RIPK4: variants seen among roughly 807,000 people sequenced by gnomAD.
RIPK4 encodes the protein receptor interacting serine/threonine kinase 4.
A neutral mutation model predicts 42.9 loss-of-function variants in RIPK4; 17 were observed. That is an observed-to-expected ratio of 0.40 (90% CI 0.27 to 0.59). The LOEUF is 0.59. Among genes scored for constraint, RIPK4 ranks in the 20% least tolerant of loss-of-function variants. RIPK4 has a pLI of 0.47. For synonymous variants in RIPK4, 498 were observed against 499.1 expected (o/e 1.00, Z 0.03); for missense variants, 897 against 1,104.4 (o/e 0.81, Z 2.66).
intron 3 of RIPK4, among the ~76,000 whole-genome samples, chr21:41,749,512 G>T (rs2061181998): frequency 6.6e-6 from 1 of 152,212 alleles, no homozygotes; most frequent in Admixed American, 6.5e-5. Context: ...AACAGCGCCT[G>T]TGTGCCTCAC....
At position 41,756,514 on chromosome 21, in the gene RIPK4, C is replaced by T. The variant is rs368409822; in HGVS notation, c.474+11G>A. On this transcript the variant is annotated intron_variant, in intron 2 of 7. Transcript: ENST00000332512. Reference sequence around the variant, plus strand: ...CTGCCCAGCTCTCTCGGGCACCGTGCGGCCCCCCACCTTGACGTGGTAGTG... The same window carrying T: ...CTGCCCAGCTCTCTCGGGCACCGTGTGGCCCCCCACCTTGACGTGGTAGTG... 3.1e-5 allele frequency: 50 copies of T among 1,608,680 alleles called. 1 individual carries two copies. In the African/African-American group the frequency reaches 4.8e-4, roughly 15 times the overall value.
At chr21:41,756,870 TG>T (rs2146056906) in intron 1 of RIPK4, 54 bp from the exon 2 acceptor site, 1 of 1,570,674 alleles carries the variant, frequency 6.4e-7, no homozygotes, top group Non-Finnish European at 8.6e-7. Context: ...GCCACAAACA[TG>T]GAACAGCACC....
At position 41,755,398 on chromosome 21, in the gene RIPK4, G is replaced by A. The variant is rs117764490; in HGVS notation, c.474+1127C>T. Among the ~76,000 whole-genome samples the A allele has an allele frequency of 5.9e-3, 898 of 152,290 alleles. 3 individuals carry two copies. Among genetic ancestry groups the A allele is most frequent in the Middle Eastern group, 0.017 (5 of 294 alleles). ...CCACCGCCCTGGCTGAGCAAGGCAC[G>A]CGAGATGCACTCGTCCGCAGAGTCT... On this transcript the variant is annotated intron_variant, in intron 2 of 7. Transcript: ENST00000332512. This position sits in a 1 kb window ranked among gnomAD's most constrained non-coding sequence, Gnocchi z 4.2.
At chr21:41,759,883 T>C (rs527903889) in intron 1 of RIPK4, among the ~76,000 whole-genome samples, 1 of 152,204 alleles carries the variant, frequency 6.6e-6, no homozygotes, top group Non-Finnish European at 1.5e-5. Flanking sequence ...GAAATTCCCA[T>C]ACATCGGACA....
intron 2 of RIPK4, among the ~76,000 whole-genome samples, chr21:41,754,153 T>C (rs1221610462): frequency 6.6e-6 from 1 of 152,110 alleles, no homozygotes; most frequent in Non-Finnish European, 1.5e-5. Flanking sequence ...TTTTCCTGCA[T>C]TGAATAACTG....
chr21:41,760,190 A>G (rs1484315735), intron 1 of RIPK4, among the ~76,000 whole-genome samples: 1 of 152,200 alleles, frequency 6.6e-6, no homozygotes, highest in Non-Finnish European at 1.5e-5. Context: ...CAGCCAATAA[A>G]CTACTACTGT....
intron 7 of RIPK4, 93 bp downstream of exon 7, chr21:41,743,789 T>C: frequency 7.0e-7 from 1 of 1,431,310 alleles, no homozygotes; most frequent in Non-Finnish European, 9.4e-7. Flanking sequence ...GTCAAGAAAC[T>C]GTCCCCTTGA....
Position 41,740,830 on chromosome 21 carries a change from G to A in RIPK4, c.*8C>T. On this transcript the variant is annotated 3_prime_UTR_variant, in exon 8 of 8. Coordinates refer to ENST00000332512, the MANE Select transcript of RIPK4 (RefSeq NM_020639.3). ...CCACGTGGACCCCCGGTCTCCGCAG[G>A]CAGCCAGCTAGGTCTTGCTTCGCCG... 1.9e-6 allele frequency: 3 copies of A among 1,590,746 alleles called. No homozygotes were observed. The highest frequency in any genetic ancestry group is 2.6e-6 in the Non-Finnish European group (3 of 1,169,194).
intron 7 of RIPK4, 130 bp downstream of exon 7, chr21:41,743,748 CAGAG>C (rs1211701642): frequency 8.5e-7 from 1 of 1,177,820 alleles, no homozygotes; most frequent in African/African-American, 1.5e-5. Flanking sequence ...TTACTTAAGA[CAGAG>C]AGAACACAAA....
In RIPK4 at chr21:41,766,737, C is replaced by T. The variant is rs949274005; in HGVS notation, c.182+123G>A. 3.8e-6 allele frequency: 4 copies of T among 1,053,804 alleles called. 1 individual carries two copies. Among genetic ancestry groups the T allele is most frequent in the East Asian group, 2.9e-5 (1 of 34,534 alleles). 65.3% of individuals were successfully genotyped at this position (1,053,804 alleles called of 1,614,324 possible). On this transcript the variant is annotated intron_variant, in intron 1 of 7. Transcript: ENST00000332512. Reference sequence around the variant, plus strand: ...CCGCGGCCTCGCCGGCAATTGGTTTCCCCCCCGAAGCTGCTCCGGGGGTGA... The same window carrying T: ...CCGCGGCCTCGCCGGCAATTGGTTTTCCCCCCGAAGCTGCTCCGGGGGTGA...
chr21:41,744,268 G>A, intron 6 of RIPK4, 128 bp from the exon 7 acceptor site: 1 of 874,948 alleles, frequency 1.1e-6, no homozygotes, highest in Non-Finnish European at 1.7e-6. Context: ...ACGGACCCTG[G>A]AAGCAATGCA....
Position 41,751,932 on chromosome 21 carries a change from C to A in RIPK4, c.475-687G>T, listed in dbSNP as rs1308644474. ...CCCGGGCCCCAAGGAGCACCGGCCACCCAGCTCCTCCAGGAATGCCCTCAA... is the reference window on the plus strand; with the variant it reads ...CCCGGGCCCCAAGGAGCACCGGCCAACCAGCTCCTCCAGGAATGCCCTCAA... On this transcript the variant is annotated intron_variant, in intron 2 of 7. Coordinates refer to ENST00000332512, the MANE Select transcript of RIPK4 (RefSeq NM_020639.3). The surrounding 1 kb of genome is among the most constrained non-coding windows in gnomAD (Gnocchi z 4.5). Among the ~76,000 whole-genome samples the A allele has an allele frequency of 1.3e-5, 2 of 152,166 alleles. No homozygotes were observed. The highest frequency in any genetic ancestry group is 2.9e-5 in the Non-Finnish European group (2 of 68,018).
intron 5 of RIPK4, chr21:41,746,069 C>T (rs1321726175): frequency 1.4e-6 from 1 of 714,242 alleles, no homozygotes. Flanking sequence ...GAAGGCCTCA[C>T]CAGACTCAAG....
chr21:41,754,991 C>T (rs544901338), intron 2 of RIPK4, among the ~76,000 whole-genome samples: 6 of 152,360 alleles, frequency 3.9e-5, no homozygotes, highest in African/African-American at 1.4e-4. Context: ...GCAGCTCCCG[C>T]AGGTGAAGCC....
rs754589120 is a variant in RIPK4 at position 41,741,517 on chromosome 21, C to T, written c.1676G>A (p.Arg559Gln). Residue 559 changes from arginine to glutamine, a missense_variant, in exon 8 of 8, where the codon CGA becomes CAA. Physicochemically the swap from Arg to Gln is conservative, Grantham distance 43. Transcript: ENST00000332512. Reference sequence around the variant, plus strand: ...GCCCTGCAGGCTCACGTCCACGCCTCGGCGCAGCAGGATGCGCACGATATT... The same window carrying T: ...GCCCTGCAGGCTCACGTCCACGCCTTGGCGCAGCAGGATGCGCACGATATT... The part of the protein sequence containing the change: ...QENIVRILLR[R>Q]GVDVSLQGKD... 7 of 1,612,416 alleles carry T rather than the reference C, an allele frequency of 4.3e-6. No individual in the cohort carries two copies. Among genetic ancestry groups the T allele is most frequent in the East Asian group, 2.2e-5 (1 of 44,882 alleles).
chr21:41,753,160 C>T (rs994321332), intron 2 of RIPK4, among the ~76,000 whole-genome samples: 2 of 152,160 alleles, frequency 1.3e-5, no homozygotes, highest in African/African-American at 4.8e-5. Context: ...AGCTCCGTGG[C>T]CCTGGACTAT....
intron 5 of RIPK4, 57 bp from the exon 6 acceptor site, chr21:41,745,919 G>T: frequency 1.5e-6 from 2 of 1,359,542 alleles, no homozygotes; most frequent in Non-Finnish European, 2.1e-6. Flanking sequence ...GTACACACGC[G>T]TTCCATATAA....
chr21:41,756,442 C>G, intron 2 of RIPK4, 83 bp downstream of exon 2: 3 of 1,513,810 alleles, frequency 2.0e-6, no homozygotes, highest in Non-Finnish European at 2.7e-6. Flanking sequence ...GTCCTGACCT[C>G]AGGGCTTGAC....
At position 41,753,930 on chromosome 21, in the gene RIPK4, G is replaced by A. The variant is rs1479532899; in HGVS notation, c.474+2595C>T. Reference sequence around the variant, plus strand: ...GATTCCAACTAGTATCTTAATATTGGTATTTAGTATATGTAATGTTGAATA... The same window carrying A: ...GATTCCAACTAGTATCTTAATATTGATATTTAGTATATGTAATGTTGAATA... On this transcript the variant is annotated intron_variant, in intron 2 of 7. Transcript: ENST00000332512. 3.3e-5 allele frequency among the ~76,000 whole-genome samples: 5 copies of A among 152,180 alleles called. No homozygotes were observed. The South Asian group carries it at 8.3e-4, about 25-fold the overall frequency.
Sources: gnomAD v4.1 joint callset for allele counts (sites outside exome capture counted in the v4.1 genomes callset) on GRCh38, gnomAD v4.1.1 for gene constraint, Gnocchi (gnomAD v3.1) non-coding constraint, MANE v1.5 for transcripts, NCBI Gene and HGNC (gene_info 2026-07-23, HGNC 2026-07-21) for gene names.